BRAF: variants seen among roughly 807,000 people sequenced by gnomAD.
BRAF encodes the protein B-Raf proto-oncogene, serine/threonine kinase, also known as serine/threonine-protein kinase B-raf.
A neutral mutation model predicts 104.6 loss-of-function variants in BRAF; 16 were observed. The observed-to-expected ratio is 0.15, with a 90% CI of 0.10 to 0.23. The LOEUF is 0.23. Ranked by LOEUF, BRAF falls within the 10% of genes least tolerant of loss-of-function variation. The pLI is 1.00. For missense variants in BRAF, 541 were observed against 937.3 expected, an observed-to-expected ratio of 0.58 and a Z score of 5.52; for synonymous variants, 310 against 341.6, an observed-to-expected ratio of 0.91 and a Z score of 1.02.
intron 18 of BRAF, among the ~76,000 whole-genome samples, 175 bp from the exon 18 acceptor site, chr7:140,734,945 TAA>T (rs1256126779): frequency 6.6e-6 from 1 of 152,102 alleles, no homozygotes; most frequent in Non-Finnish European, 1.5e-5. Flanking sequence ...AGCATTGTCA[TAA>T]ATGCTTGGGA....
At chr7:140,814,930 G>A (rs1228051980) in intron 3 of BRAF, among the ~76,000 whole-genome samples, 8 of 150,616 alleles carry the variant, frequency 5.3e-5, no homozygotes, top group African/African-American at 1.9e-4. Context: ...AATTCTTTGA[G>A]ATAGTACATT....
rs121913369 is a variant in BRAF, at chr7:140,753,346, G to A, written c.1909C>T (p.Leu637=). Residue 637 remains leucine, a synonymous_variant, in exon 16 of 20, where the codon CTA becomes TTA. Coordinates refer to ENST00000644969, the MANE Select transcript of BRAF (RefSeq NM_001374258.1). ...DLTVKIGDFG[L]ATVKSRWSGS... is the part of the protein sequence containing the mutation. ...CTCCATCGAGATTTCACTGTAGCTAGACCAAAATCACCTATTTTTACTGTG... is the reference window on the plus strand; with the variant it reads ...CTCCATCGAGATTTCACTGTAGCTAAACCAAAATCACCTATTTTTACTGTG... The A allele has an allele frequency of 8.7e-6, 14 of 1,612,502 alleles. No homozygotes were observed. Among genetic ancestry groups the A allele is most frequent in the Non-Finnish European group, 1.2e-5 (14 of 1,178,776 alleles).
At chr7:140,907,256 GT>G (rs1039247380) in intron 1 of BRAF, among the ~76,000 whole-genome samples, 19 of 152,116 alleles carry the variant, frequency 1.2e-4, no homozygotes, top group East Asian at 1.2e-3. Context: ...ATTAAGTTGG[GT>G]TTTTCCCCCC....
chr7:140,821,127 G>A (rs1241537525), intron 3 of BRAF, among the ~76,000 whole-genome samples: 1 of 151,476 alleles, frequency 6.6e-6, no homozygotes, highest in Non-Finnish European at 1.5e-5. Context: ...AAGTAGCTGG[G>A]GCTACAAACT....
intron 1 of BRAF, among the ~76,000 whole-genome samples, chr7:140,895,906 C>G (rs749032494): frequency 6.6e-6 from 1 of 152,144 alleles, no homozygotes; most frequent in South Asian, 2.1e-4. Context: ...GTCTCTTCGA[C>G]GTACTGACTT....
chr7:140,752,180 A>C (rs778976784), intron 16 of BRAF, among the ~76,000 whole-genome samples: 1 of 152,206 alleles, frequency 6.6e-6, no homozygotes, highest in Non-Finnish European at 1.5e-5. Context: ...AAGTTTAGTA[A>C]GAAGAATAGT....
intron 1 of BRAF, among the ~76,000 whole-genome samples, chr7:140,918,049 T>C (rs1292857866): frequency 6.6e-6 from 1 of 152,196 alleles, no homozygotes; most frequent in African/African-American, 2.4e-5. Flanking sequence ...AAGACACAAG[T>C]TGTTGAAATT....
Position 140,726,062 on chromosome 7 carries a change from A to C in BRAF, c.*432T>G, listed in dbSNP as rs1294321108. 6.5e-6 allele frequency: 7 copies of C among 1,076,872 alleles called. No homozygotes were observed. Among genetic ancestry groups the C allele is most frequent in the Non-Finnish European group, 7.9e-6 (7 of 887,344 alleles). 66.7% of individuals were successfully genotyped at this position (1,076,872 alleles called of 1,614,324 possible). A position where few individuals can be genotyped will look rare whatever the true frequency, so the allele number is the denominator to read the frequency against. On this transcript the variant is annotated 3_prime_UTR_variant, in exon 20 of 20. Transcript: ENST00000644969. ...AACAAAATTCCAGAACAGGAAAGAG[A>C]ACGATGCTTGGTGATTGAAACTGCC...
chr7:140,826,965 C>G (rs1051194019), intron 3 of BRAF, among the ~76,000 whole-genome samples: 9 of 152,160 alleles, frequency 5.9e-5, no homozygotes. Context: ...AATCCCCAAC[C>G]TTTTTATTGT....
Position 140,726,392 on chromosome 7 carries a change from A to G in BRAF, c.*102T>C. On this transcript the variant is annotated 3_prime_UTR_variant, in exon 20 of 20. Transcript: ENST00000644969. ...TCAGCTTATGCATTGGAAATTTTGT[A>G]TCTTTAAAAAAAGATTTGAGGAACA... 1 of 1,508,556 alleles carries G rather than the reference A, an allele frequency of 6.6e-7. No homozygotes were observed. The highest frequency in any genetic ancestry group is 8.8e-7 in the Non-Finnish European group (1 of 1,136,744). 93.4% of individuals were successfully genotyped at this position (1,508,556 alleles called of 1,614,324 possible). A position where few individuals can be genotyped will look rare whatever the true frequency, so the allele number is the denominator to read the frequency against.
At chr7:140,915,997 CA>C (rs956567561) in intron 1 of BRAF, among the ~76,000 whole-genome samples, 355 of 124,116 alleles carry the variant, frequency 2.9e-3, no homozygotes, top group African/African-American at 0.011. Flanking sequence ...AACAAACAAA[CA>C]AAAAAAACCC....
Position 140,722,800 on chromosome 7 carries a change from C to G in BRAF, c.*3694G>C. On this transcript the variant is annotated 3_prime_UTR_variant, in exon 20 of 20. Transcript: ENST00000644969. Reference sequence around the variant, plus strand: ...TTACATCACTGTTAGTGAAGTGATACCACAGCTATTTAATTTCATGCAATT... The same window carrying G: ...TTACATCACTGTTAGTGAAGTGATAGCACAGCTATTTAATTTCATGCAATT... 1 of 1,052,926 alleles carries G rather than the reference C, an allele frequency of 9.5e-7. No individual in the cohort carries two copies. Among genetic ancestry groups the G allele is most frequent in the Non-Finnish European group, 1.1e-6 (1 of 871,546 alleles). The allele number at this position is 1,052,926 out of a possible 1,614,324, so 65.2% of individuals were successfully genotyped here.
intron 2 of BRAF, chr7:140,835,586 A>T (rs1201075278): frequency 6.6e-6 from 1 of 152,178 alleles, no homozygotes; most frequent in African/African-American, 2.4e-5. Flanking sequence ...GAAAAAAAAA[A>T]AACAGAATTG....
chr7:140,861,229 C>A (rs927863513), intron 1 of BRAF, among the ~76,000 whole-genome samples: 1 of 152,162 alleles, frequency 6.6e-6, no homozygotes, highest in Non-Finnish European at 1.5e-5. Flanking sequence ...TTGTCATTTA[C>A]AGAGAAAGTT....
At position 140,724,106 on chromosome 7, in the gene BRAF, C is replaced by A. The variant is rs1008394035; in HGVS notation, c.*2388G>T. ...TCTGCTCCCCCGTTCAAATGAGATA[C>A]CAGCCTATTCTAAAATGCAAGGGAA... On this transcript the variant is annotated 3_prime_UTR_variant, in exon 20 of 20. Coordinates refer to ENST00000644969, the MANE Select transcript of BRAF (RefSeq NM_001374258.1). The A allele has an allele frequency of 5.7e-6, 6 of 1,050,484 alleles. No homozygotes were observed. Among genetic ancestry groups the A allele is most frequent in the African/African-American group, 3.3e-5 (2 of 60,146 alleles). 65.1% of individuals were successfully genotyped at this position (1,050,484 alleles called of 1,614,324 possible).
At chr7:140,729,062 CAAAAAAA>C (rs764302395) in intron 19 of BRAF, among the ~76,000 whole-genome samples, 2 of 65,906 alleles carry the variant, frequency 3.0e-5, no homozygotes, top group Admixed American at 1.8e-4. Context: ...GCTGTCTCTC[CAAAAAAA>C]AAAAAAAAAA....
intron 10 of BRAF, 124 bp from the exon 10 acceptor site, chr7:140,783,281 C>T (rs909037565): frequency 2.4e-6 from 3 of 1,259,810 alleles, no homozygotes; most frequent in African/African-American, 3.0e-5. Context: ...AAATATAGAC[C>T]TTTTGGAAAG....
At chr7:140,899,624 T>C (rs1815372491) in intron 1 of BRAF, among the ~76,000 whole-genome samples, 1 of 152,222 alleles carries the variant, frequency 6.6e-6, no homozygotes. Context: ...ATATGTTTAT[T>C]AATCATTTAA....
intron 1 of BRAF, among the ~76,000 whole-genome samples, chr7:140,878,019 T>C (rs1367750872): frequency 6.6e-6 from 1 of 152,146 alleles, no homozygotes; most frequent in Non-Finnish European, 1.5e-5. Context: ...CAACTCACTT[T>C]ATGATTCCAG....
Sources: gnomAD v4.1 joint callset for allele counts (sites outside exome capture counted in the v4.1 genomes callset) on GRCh38, gnomAD v4.1.1 for gene constraint, MANE v1.5 for transcripts, NCBI Gene and HGNC (gene_info 2026-07-23, HGNC 2026-07-21) for gene names.